COL19A1: variants seen among roughly 807,000 people sequenced by gnomAD.
COL19A1 encodes the protein collagen alpha-1(XIX) chain.
Under a neutral mutation model 190.2 loss-of-function variants are expected in COL19A1, and 159 were observed. The ratio of observed to expected loss-of-function variants is 0.84; its 90% CI spans 0.73 to 0.95. COL19A1 has a LOEUF of 0.95. Among genes scored for constraint, COL19A1 ranks in the 40% least tolerant of loss-of-function variants. The probability of loss-of-function intolerance (pLI) is 0.00; values close to 1 mark genes in which losing one functional copy is unlikely to be tolerated. For synonymous variants in COL19A1, 509 were observed against 458.9 expected, an observed-to-expected ratio of 1.11 and a Z score of -1.39; for missense variants, 1,418 against 1,431.9, an observed-to-expected ratio of 0.99 and a Z score of 0.16.
intron 1 of COL19A1, among the ~76,000 whole-genome samples, chr6:69,868,463 A>T (rs1310682652): frequency 6.6e-6 from 1 of 152,100 alleles, no homozygotes; most frequent in East Asian, 1.9e-4. Context: ...CAGAAAATTT[A>T]TGCTCTCTCT....
At position 70,102,177 on chromosome 6, in the gene COL19A1, AG is replaced by A; in HGVS notation, c.1236del (p.Thr414GlnfsTer44). 6.2e-7 allele frequency: 1 copy of A among 1,612,646 alleles called. No homozygotes were observed. The highest frequency in any genetic ancestry group is 2.2e-5 in the East Asian group (1 of 44,862). On this transcript the variant is annotated frameshift_variant, in exon 16 of 51. Transcript: ENST00000620364. LOFTEE classifies it high-confidence loss of function. ...TCTTCTTTGGTTTCAAGGGAAGACG[AG>A]GGAAAACAGGACCTCCCGGAAAACC... The part of the protein sequence containing the change: ...PGKEGQRGRR[G>X]KTGPPGKPGP...
chr6:70,143,219 GA>G (rs1298948432), intron 23 of COL19A1, among the ~76,000 whole-genome samples: 3 of 152,094 alleles, frequency 2.0e-5, no homozygotes, highest in African/African-American at 7.2e-5. Context: ...AAGACATTTC[GA>G]AAGCTTCTAT....
chr6:69,923,603 G>T (rs1024135978), intron 4 of COL19A1, among the ~76,000 whole-genome samples: 1 of 152,072 alleles, frequency 6.6e-6, no homozygotes, highest in Non-Finnish European at 1.5e-5. Flanking sequence ...ACAAGAAGCT[G>T]ATCAAAAAAA....
At chr6:70,207,032 T>G (rs976490597) in intron 50 of COL19A1, 54 bp downstream of exon 50, 2 of 1,606,896 alleles carry the variant, frequency 1.2e-6, no homozygotes, top group Admixed American at 3.4e-5. Flanking sequence ...ATTAGAACCA[T>G]GCTTCTCCCC....
At chr6:69,946,684 T>A (rs973132479) in intron 9 of COL19A1, among the ~76,000 whole-genome samples, 5 of 151,854 alleles carry the variant, frequency 3.3e-5, no homozygotes, top group African/African-American at 1.2e-4. Context: ...TTAAAAGTAA[T>A]CTCCTAATAA....
chr6:70,105,483 A>G (rs935743446), intron 16 of COL19A1, among the ~76,000 whole-genome samples: 3 of 152,190 alleles, frequency 2.0e-5, no homozygotes, highest in Non-Finnish European at 2.9e-5. Flanking sequence ...AAGTATCAGC[A>G]GAGCACTTGT....
intron 15 of COL19A1, among the ~76,000 whole-genome samples, chr6:70,083,517 AC>A (rs1189683165): frequency 6.6e-6 from 1 of 152,202 alleles, no homozygotes; most frequent in Non-Finnish European, 1.5e-5. Flanking sequence ...TATTTTAAAA[AC>A]CAGTCCTTTC....
chr6:70,178,184 T>C (rs1439972841), intron 42 of COL19A1, among the ~76,000 whole-genome samples: 3 of 152,182 alleles, frequency 2.0e-5, no homozygotes, highest in Non-Finnish European at 4.4e-5. Flanking sequence ...GCCCAGGAGT[T>C]AGAGACCAAC....
In COL19A1 at chr6:70,211,995, A is replaced by G. The variant is rs1432261451; in HGVS notation, c.*4721A>G. Among the ~76,000 whole-genome samples the G allele has an allele frequency of 6.6e-6, 1 of 152,202 alleles. No homozygotes were observed. Among genetic ancestry groups the G allele is most frequent in the African/African-American group, 2.4e-5 (1 of 41,456 alleles). ...AGCTACTTGCTTCATGAATTTGTCAAAAGTGAATACTAATAAAGTGGGAGG... is the reference window on the plus strand; with the variant it reads ...AGCTACTTGCTTCATGAATTTGTCAGAAGTGAATACTAATAAAGTGGGAGG... On this transcript the variant is annotated 3_prime_UTR_variant, in exon 51 of 51. Transcript: ENST00000620364.
chr6:69,887,236 C>T (rs911601857), intron 2 of COL19A1, among the ~76,000 whole-genome samples: 12 of 152,202 alleles, frequency 7.9e-5, no homozygotes, highest in African/African-American at 2.9e-4. Context: ...TTTTGCTAAT[C>T]ACCTACTGGG....
chr6:70,116,152 T>G (rs554612472), intron 16 of COL19A1, among the ~76,000 whole-genome samples: 1 of 152,304 alleles, frequency 6.6e-6, no homozygotes, highest in South Asian at 2.1e-4. Flanking sequence ...CTTTTCTACT[T>G]AACTGGAGCT....
chr6:70,195,162 T>TATATATATAA (rs945354317), intron 48 of COL19A1, among the ~76,000 whole-genome samples: 1 of 145,744 alleles, frequency 6.9e-6, no homozygotes, highest in Non-Finnish European at 1.5e-5. Context: ...TATATATATA[T>TATATATATAA]AAAGAGTTAA....
chr6:70,098,678 A>G (rs1415118136), intron 15 of COL19A1: 2 of 279,768 alleles, frequency 7.1e-6, no homozygotes, highest in Non-Finnish European at 7.0e-6. Flanking sequence ...CGTTCCCTTC[A>G]GTATCTTGCT....
chr6:69,882,493 C>T (rs1768628908), intron 2 of COL19A1, among the ~76,000 whole-genome samples: 1 of 152,136 alleles, frequency 6.6e-6, no homozygotes, highest in South Asian at 2.1e-4. Flanking sequence ...ACTCTTTCCT[C>T]TAATATAGAC....
chr6:70,010,386 G>A (rs1455759482), intron 11 of COL19A1, among the ~76,000 whole-genome samples: 1 of 128,106 alleles, frequency 7.8e-6, no homozygotes, highest in African/African-American at 2.7e-5. Flanking sequence ...AACAGCTCCG[G>A]TCTACAGCTC....
chr6:69,877,681 A>T (rs1260468720), intron 1 of COL19A1, among the ~76,000 whole-genome samples: 3 of 152,162 alleles, frequency 2.0e-5, no homozygotes, highest in Non-Finnish European at 4.4e-5. Context: ...ATTGTATATT[A>T]TACAATGCAA....
intron 15 of COL19A1, among the ~76,000 whole-genome samples, chr6:70,099,383 A>T (rs1783487432): frequency 6.6e-6 from 1 of 152,174 alleles, no homozygotes. Context: ...TGCAGCCAAA[A>T]CACAGTCACA....
intron 11 of COL19A1, among the ~76,000 whole-genome samples, chr6:70,004,998 A>G (rs1469573249): frequency 6.6e-6 from 1 of 151,870 alleles, no homozygotes; most frequent in African/African-American, 2.4e-5. Flanking sequence ...ACACCCAGCT[A>G]ATATTTTGTA....
At position 70,034,269 on chromosome 6, in the gene COL19A1, C is replaced by T. The variant is rs1562104994; in HGVS notation, c.1105C>T (p.His369Tyr). The change falls in exon 13 of 51, where the codon CAT becomes TAT. Residue 369 changes from histidine (H) to tyrosine (Y), a missense_variant. Coordinates refer to ENST00000620364, the MANE Select transcript of COL19A1 (RefSeq NM_001858.6). ...GGGTTTGAAAGGTGACTTGGGTCCTCATGGTCCACCTGGCCCAAAAGGAGA... is the reference window on the plus strand; with the variant it reads ...GGGTTTGAAAGGTGACTTGGGTCCTTATGGTCCACCTGGCCCAAAAGGAGA... ...ENGLKGDLGP[H>Y]GPPGPKGEKG... 1 of 1,613,094 alleles carries T rather than the reference C, an allele frequency of 6.2e-7. No individual in the cohort carries two copies. The highest frequency in any genetic ancestry group is 8.5e-7 in the Non-Finnish European group (1 of 1,179,070).
Sources: gnomAD v4.1 joint callset for allele counts (sites outside exome capture counted in the v4.1 genomes callset) on GRCh38, gnomAD v4.1.1 for gene constraint, MANE v1.5 for transcripts, NCBI Gene and HGNC (gene_info 2026-07-23, HGNC 2026-07-21) for gene names.